CPNE5: variants seen among roughly 807,000 people sequenced by gnomAD.
The protein encoded by CPNE5 is copine 5.
CPNE5 carries 42 observed loss-of-function variants against 81.1 expected under a neutral mutation model. The observed-to-expected ratio is 0.52, with a 90% CI of 0.40 to 0.67. The LOEUF (loss-of-function observed/expected upper bound fraction) is 0.67. Ranked by LOEUF, CPNE5 falls within the 30% of genes least tolerant of loss-of-function variation. The probability of loss-of-function intolerance (pLI) is 0.00; values close to 1 mark genes in which losing one functional copy is unlikely to be tolerated. For synonymous variants in CPNE5, 313 were observed against 321.5 expected, an observed-to-expected ratio of 0.97 and a Z score of 0.28; for missense variants, 612 against 815.5, an observed-to-expected ratio of 0.75 and a Z score of 3.04.
intron 10 of CPNE5, among the ~76,000 whole-genome samples, chr6:36,770,363 A>G (rs1317897431): frequency 6.6e-6 from 1 of 152,204 alleles, no homozygotes; most frequent in Non-Finnish European, 1.5e-5. Flanking sequence ...CCCGGCTCCT[A>G]GGGTTATTGT....
intron 3 of CPNE5, among the ~76,000 whole-genome samples, chr6:36,809,788 G>A (rs1352353930): frequency 1.3e-5 from 2 of 151,896 alleles, no homozygotes; most frequent in African/African-American, 4.8e-5. Flanking sequence ...ACCCCAGCCA[G>A]TGGGGCTCCC....
At chr6:36,835,669 A>G (rs772170186) in intron 1 of CPNE5, among the ~76,000 whole-genome samples, 8 of 152,112 alleles carry the variant, frequency 5.3e-5, no homozygotes, top group Admixed American at 1.3e-4. Context: ...GGAGGCAGGC[A>G]CCTGTAATTC....
intron 13 of CPNE5, chr6:36,755,025 AG>A (rs1301442776): frequency 6.6e-6 from 1 of 152,270 alleles, no homozygotes; most frequent in Non-Finnish European, 1.5e-5. Flanking sequence ...TTACAATCAA[AG>A]AAGTGGTGTT....
intron 13 of CPNE5, 139 bp downstream of exon 13, chr6:36,756,106 C>CCCCCCCCA: frequency 4.1e-6 from 2 of 484,944 alleles, no homozygotes; most frequent in Non-Finnish European, 7.6e-6. Flanking sequence ...CCACCCCTCC[C>CCCCCCCCA]CACCCCATCT....
intron 9 of CPNE5, among the ~76,000 whole-genome samples, chr6:36,777,618 G>A (rs765950067): frequency 3.3e-5 from 5 of 152,088 alleles, no homozygotes; most frequent in Non-Finnish European, 7.4e-5. Flanking sequence ...GGAGTCCTTT[G>A]GTGAGACAAA....
At chr6:36,826,620 T>C (rs572043986) in intron 1 of CPNE5, among the ~76,000 whole-genome samples, 38 of 152,292 alleles carry the variant, frequency 2.5e-4, no homozygotes, top group African/African-American at 8.4e-4. Context: ...CATGCCTCCA[T>C]GGCAGAGTTT....
rs75811493 is a variant in CPNE5 at position 36,745,301 on chromosome 6, A to G, written c.1328+87T>C. ...CCCTGAAAGGCAAGTGCGTGGGAAGAGAAACCCCCTCCCACCACCCAGAGG... is the reference window on the plus strand; with the variant it reads ...CCCTGAAAGGCAAGTGCGTGGGAAGGGAAACCCCCTCCCACCACCCAGAGG... On this transcript the variant is annotated intron_variant, in intron 17 of 20. Coordinates refer to ENST00000244751, the MANE Select transcript of CPNE5 (RefSeq NM_020939.2). The G allele has an allele frequency of 8.0e-4, 1,193 of 1,497,752 alleles. 15 individuals carry two copies. The East Asian group carries it at 0.023, about 29-fold the overall frequency. 92.8% of individuals were successfully genotyped at this position (1,497,752 alleles called of 1,614,324 possible). A position where few individuals can be genotyped will look rare whatever the true frequency, so the allele number is the denominator to read the frequency against.
At chr6:36,775,925 G>A (rs980379536) in intron 9 of CPNE5, among the ~76,000 whole-genome samples, 1 of 152,024 alleles carries the variant, frequency 6.6e-6, no homozygotes, top group African/African-American at 2.4e-5. Context: ...TTCTTGGGGG[G>A]CGAGTTTCCA....
At chr6:36,748,409 G>T in intron 14 of CPNE5, 142 bp from the exon 15 acceptor site, 1 of 724,874 alleles carries the variant, frequency 1.4e-6, no homozygotes, top group Admixed American at 2.0e-5. Flanking sequence ...TCTCTTTCTA[G>T]TTCTGGAGAG....
intron 6 of CPNE5, among the ~76,000 whole-genome samples, chr6:36,796,951 C>T (rs1769637069): frequency 1.3e-5 from 2 of 152,096 alleles, no homozygotes; most frequent in African/African-American, 4.8e-5. Flanking sequence ...CACTCTGTTG[C>T]CCAGGTTGGA....
At chr6:36,792,547 G>A (rs1285542789) in intron 7 of CPNE5, 15 of 509,022 alleles carry the variant, frequency 2.9e-5, no homozygotes, top group Non-Finnish European at 5.1e-5. Flanking sequence ...GATGTGTCAC[G>A]GGAGGGAGGA....
intron 11 of CPNE5, 118 bp from the exon 12 acceptor site, chr6:36,763,110 G>A: frequency 1.2e-6 from 1 of 861,778 alleles, no homozygotes; most frequent in Non-Finnish European, 1.9e-6. Flanking sequence ...TCCACTCCAG[G>A]GGCACACGCC....
chr6:36,742,515 G>C (rs775448595), intron 20 of CPNE5, 29 bp from the exon 21 acceptor site: 3 of 1,596,866 alleles, frequency 1.9e-6, no homozygotes, highest in Non-Finnish European at 2.6e-6. Flanking sequence ...GGGTCAGGCA[G>C]TGCCTCCTGT....
chr6:36,818,906 A>G (rs1391621690), intron 3 of CPNE5, among the ~76,000 whole-genome samples: 1 of 152,228 alleles, frequency 6.6e-6, no homozygotes, highest in East Asian at 1.9e-4. Context: ...TCCTTCATGA[A>G]TCACGAGGAC....
At chr6:36,780,519 T>C (rs1475853080) in intron 8 of CPNE5, among the ~76,000 whole-genome samples, 1 of 152,190 alleles carries the variant, frequency 6.6e-6, no homozygotes, top group Non-Finnish European at 1.5e-5. Flanking sequence ...TCCCTACTTA[T>C]AAAATGGAGG....
chr6:36,760,639 A>G (rs1765932984), intron 12 of CPNE5, among the ~76,000 whole-genome samples: 1 of 152,182 alleles, frequency 6.6e-6, no homozygotes, highest in African/African-American at 2.4e-5. Context: ...GGGGAAGTTA[A>G]GTATGACCCC....
At position 36,771,542 on chromosome 6, in the gene CPNE5, A is replaced by G. The variant is rs1767035240; in HGVS notation, c.737+3419T>C. ...GTTAAGTGCTATAGGAGTCTTTGCT[A>G]TTATCATGACCTGTCTGTCTCCCCA... On this transcript the variant is annotated intron_variant, in intron 10 of 20. Transcript: ENST00000244751. 2.6e-5 allele frequency among the ~76,000 whole-genome samples: 4 copies of G among 152,192 alleles called. No homozygotes were observed. The South Asian group carries it at 8.3e-4, about 32-fold the overall frequency.
intron 3 of CPNE5, among the ~76,000 whole-genome samples, chr6:36,807,092 A>AT (rs1770662254): frequency 6.6e-6 from 1 of 152,222 alleles, no homozygotes; most frequent in African/African-American, 2.4e-5. Context: ...CTGTCTACAC[A>AT]TGCCTGCATT....
intron 3 of CPNE5, among the ~76,000 whole-genome samples, chr6:36,809,210 A>AT (rs1770874288): frequency 6.6e-6 from 1 of 151,668 alleles, no homozygotes; most frequent in African/African-American, 2.4e-5. Flanking sequence ...AGAGAGAGAG[A>AT]GGAGAGAGAG....
Sources: gnomAD v4.1 joint callset for allele counts (sites outside exome capture counted in the v4.1 genomes callset) on GRCh38, gnomAD v4.1.1 for gene constraint, MANE v1.5 for transcripts, NCBI Gene and HGNC (gene_info 2026-07-23, HGNC 2026-07-21) for gene names.